CAP2: variants seen among roughly 807,000 people sequenced by gnomAD.
CAP2 encodes the protein cyclase associated actin cytoskeleton regulatory protein 2, also known as adenylyl cyclase-associated protein 2.
Under a neutral mutation model 57.7 loss-of-function variants are expected in CAP2, and 24 were observed. The observed-to-expected ratio is 0.42, with a 90% CI of 0.30 to 0.58. The LOEUF is 0.58. CAP2 is among the 20% of genes least tolerant of loss of function. The pLI, the probability that CAP2 is intolerant of heterozygous loss-of-function variation, is 0.22. For synonymous variants in CAP2, 194 were observed against 207.2 expected, an observed-to-expected ratio of 0.94 and a Z score of 0.55; for missense variants, 501 against 590.3, an observed-to-expected ratio of 0.85 and a Z score of 1.57.
Position 17,541,048 on chromosome 6 carries a change from C to T in CAP2, c.902C>T (p.Ser301Phe). The change falls in exon 9 of 13, where the codon TCT becomes TTT. Residue 301 changes from serine (S) to phenylalanine (F), a missense_variant. By Grantham distance (155) the Ser-to-Phe change is radical. Transcript: ENST00000229922. Reference sequence around the variant, plus strand: ...CGGGCTCAAGGAGGGCAAACTCAATCTCCCACCAAAAGTCACACTCCAAGT... The same window carrying T: ...CGGGCTCAAGGAGGGCAAACTCAATTTCCCACCAAAAGTCACACTCCAAGT... Reference protein sequence around the residue: ...SLRAQGGQTQSPTKSHTPSPT... With the variant: ...SLRAQGGQTQFPTKSHTPSPT... 3 of 1,614,064 alleles carry T rather than the reference C, an allele frequency of 1.9e-6. No individual in the cohort carries two copies. The highest frequency in any genetic ancestry group is 2.5e-6 in the Non-Finnish European group (3 of 1,179,924).
intron 4 of CAP2, among the ~76,000 whole-genome samples, chr6:17,469,717 A>G (rs1760969779): frequency 6.6e-6 from 1 of 152,100 alleles, no homozygotes; most frequent in Non-Finnish European, 1.5e-5. Context: ...TCTAAAACTG[A>G]TTCTCTTTCC....
chr6:17,537,869 C>A (rs1368498777), intron 7 of CAP2, among the ~76,000 whole-genome samples: 1 of 151,986 alleles, frequency 6.6e-6, no homozygotes, highest in Non-Finnish European at 1.5e-5. Context: ...GAGTTCGAGA[C>A]CAGCCTGACC....
intron 7 of CAP2, among the ~76,000 whole-genome samples, chr6:17,518,294 A>G (rs560279330): frequency 9.2e-5 from 14 of 152,356 alleles, no homozygotes; most frequent in African/African-American, 3.4e-4. Context: ...CTTTTAAATT[A>G]TTAAAAACGA....
At chr6:17,476,433 T>C (rs919523849) in intron 4 of CAP2, among the ~76,000 whole-genome samples, 11 of 152,236 alleles carry the variant, frequency 7.2e-5, no homozygotes, top group African/African-American at 2.7e-4. Context: ...ATGTTTTTTG[T>C]GATTAAGTGA....
At position 17,555,666 on chromosome 6, in the gene CAP2, C is replaced by T. The variant is rs147134926; in HGVS notation, c.1351-693C>T. On this transcript the variant is annotated intron_variant, in intron 12 of 12. Transcript: ENST00000229922. ...GCAACCTCTGCCTCCTGGGTTCAAGCGATTCTCCTGCTTCAGCCTCCCGAG... is the reference window on the plus strand; with the variant it reads ...GCAACCTCTGCCTCCTGGGTTCAAGTGATTCTCCTGCTTCAGCCTCCCGAG... Among the ~76,000 whole-genome samples the T allele has an allele frequency of 5.4e-3, 814 of 150,020 alleles. 12 individuals carry two copies. Among genetic ancestry groups the T allele is most frequent in the African/African-American group, 0.019 (772 of 40,774 alleles).
chr6:17,419,638 T>C (rs1337668793), intron 1 of CAP2, among the ~76,000 whole-genome samples: 1 of 152,046 alleles, frequency 6.6e-6, no homozygotes, highest in East Asian at 1.9e-4. Flanking sequence ...TGCACACTCA[T>C]TTAATTTTCT....
chr6:17,396,024 A>G (rs1248437296), intron 1 of CAP2, among the ~76,000 whole-genome samples: 2 of 152,244 alleles, frequency 1.3e-5, no homozygotes, highest in Non-Finnish European at 2.9e-5. Context: ...AAGAAGATAT[A>G]CAAATGGCCA....
intron 3 of CAP2, among the ~76,000 whole-genome samples, chr6:17,440,041 T>C (rs974797607): frequency 6.6e-6 from 1 of 151,650 alleles, no homozygotes; most frequent in African/African-American, 2.4e-5. Context: ...AAAATCAGCT[T>C]GTCTGTTTCC....
chr6:17,471,598 C>T (rs974282660), intron 4 of CAP2, among the ~76,000 whole-genome samples: 1 of 152,004 alleles, frequency 6.6e-6, no homozygotes, highest in Admixed American at 6.6e-5. Flanking sequence ...TTTGGGAGTC[C>T]GAGGCGGGCG....
intron 4 of CAP2, among the ~76,000 whole-genome samples, chr6:17,474,183 G>GTGTTTTTTTT (rs1561796154): frequency 9.5e-6 from 1 of 104,738 alleles, no homozygotes; most frequent in African/African-American, 3.8e-5. Flanking sequence ...GAAAAAAACA[G>GTGTTTTTTTT]TCTTTTTTTT....
chr6:17,547,599 T>C (rs1021780078), intron 11 of CAP2, among the ~76,000 whole-genome samples: 11 of 152,186 alleles, frequency 7.2e-5, no homozygotes, highest in African/African-American at 2.6e-4. Flanking sequence ...CCCAGCATTT[T>C]GGGAGGCCAA....
At chr6:17,423,704 T>C (rs181896262) in intron 2 of CAP2, among the ~76,000 whole-genome samples, 301 of 152,250 alleles carry the variant, frequency 2.0e-3, no homozygotes, top group Admixed American at 3.5e-3. Flanking sequence ...AAAAAAAAGA[T>C]TTTTTCTAGG....
chr6:17,432,222 G>C (rs913549348), intron 3 of CAP2, among the ~76,000 whole-genome samples: 4 of 151,924 alleles, frequency 2.6e-5, no homozygotes, highest in Non-Finnish European at 5.9e-5. Flanking sequence ...CAATTCTTTT[G>C]ATTCTTGAAA....
At chr6:17,493,854 T>G (rs188374302) in intron 4 of CAP2, among the ~76,000 whole-genome samples, 188 of 151,688 alleles carry the variant, frequency 1.2e-3, no homozygotes, top group Non-Finnish European at 1.5e-3. Context: ...GAACACCTGG[T>G]TGAGGGCAGC....
chr6:17,542,824 G>A lies in CAP2; in HGVS notation c.1003-13G>A, dbSNP rs756116731. The A allele has an allele frequency of 1.9e-6, 3 of 1,596,616 alleles. No individual in the cohort carries two copies. The highest frequency in any genetic ancestry group is 3.4e-5 in the Admixed American group (2 of 58,672). On this transcript the variant is annotated splice_polypyrimidine_tract_variant and intron_variant, in intron 9 of 12. Transcript: ENST00000229922. ...ATGCTGATGTTTAATATTTGTATTTGTCTTAATTCTAGGAGTACCAAGAGG... is the reference window on the plus strand; with the variant it reads ...ATGCTGATGTTTAATATTTGTATTTATCTTAATTCTAGGAGTACCAAGAGG...
intron 4 of CAP2, among the ~76,000 whole-genome samples, chr6:17,468,179 A>AGTTCCTCCACCTTCACCCTTCC (rs1760923844): frequency 6.6e-6 from 1 of 152,014 alleles, no homozygotes; most frequent in East Asian, 1.9e-4. Flanking sequence ...TGTGCCCTTC[A>AGTTCCTCCACCTTCACCCTTCC]GTTCCTCCAC....
chr6:17,497,584 TC>T (rs1342528066), intron 4 of CAP2, among the ~76,000 whole-genome samples: 1 of 152,228 alleles, frequency 6.6e-6, no homozygotes, highest in African/African-American at 2.4e-5. Flanking sequence ...CTAGTATTGA[TC>T]CACTACTTCC....
chr6:17,515,920 C>T (rs143496955), intron 7 of CAP2, among the ~76,000 whole-genome samples: 1 of 152,304 alleles, frequency 6.6e-6, no homozygotes, highest in Non-Finnish European at 1.5e-5. Flanking sequence ...CCCCTCACTC[C>T]TTGTGGTATC....
chr6:17,520,230 C>T (rs1411047684), intron 7 of CAP2, among the ~76,000 whole-genome samples: 1 of 152,134 alleles, frequency 6.6e-6, no homozygotes, highest in East Asian at 1.9e-4. Flanking sequence ...GCCTCAGCCT[C>T]CTAAGTAGCT....
Sources: gnomAD v4.1 joint callset for allele counts (sites outside exome capture counted in the v4.1 genomes callset) on GRCh38, gnomAD v4.1.1 for gene constraint, MANE v1.5 for transcripts, NCBI Gene and HGNC (gene_info 2026-07-23, HGNC 2026-07-21) for gene names.